The following MBNL2 variants were observed in gnomAD, a reference collection of about 807,000 sequenced individuals.
The protein encoded by MBNL2 is muscleblind-like protein 2.
MBNL2 carries 17 observed loss-of-function variants against 41.9 expected under a neutral mutation model. That is an observed-to-expected ratio of 0.41 (90% CI 0.28 to 0.61). MBNL2 has a LOEUF of 0.61. MBNL2 is among the 20% of genes least tolerant of loss of function. MBNL2 has a pLI of 0.35. For missense variants in MBNL2, 336 were observed against 505.6 expected, an observed-to-expected ratio of 0.66 and a Z score of 3.22; for synonymous variants, 195 against 182.9, an observed-to-expected ratio of 1.07 and a Z score of -0.53.
the MBNL2 span, among the ~76,000 whole-genome samples, chr13:97,155,224 CTCAT>C: frequency 6.6e-6 from 1 of 151,950 alleles, no homozygotes; most frequent in Non-Finnish European, 1.5e-5. Flanking sequence ...TTTCCATTCT[CTCAT>C]TCTAAGTTGT....
At chr13:97,251,874 C>T (rs9584535) in intron 1 of MBNL2, among the ~76,000 whole-genome samples, 4,556 of 112,884 alleles carry the variant, frequency 0.04, 110 homozygotes, top group Middle Eastern at 0.15. Context: ...GACGGAGTCT[C>T]GCTCCGTCGC....
At chr13:97,235,548 C>A (rs1423596576) in intron 1 of MBNL2, among the ~76,000 whole-genome samples, 1 of 152,206 alleles carries the variant, frequency 6.6e-6, no homozygotes, top group African/African-American at 2.4e-5. Flanking sequence ...CATGTTAGGT[C>A]TTGAGTTAAT....
chr13:97,236,477 G>A (rs73555749), intron 1 of MBNL2, among the ~76,000 whole-genome samples: 4,940 of 150,448 alleles, frequency 0.033, 126 homozygotes, highest in South Asian at 0.11. Flanking sequence ...TGTTCACTTT[G>A]TGAAAATCCA....
chr13:97,311,652 T>A (rs1217123018), intron 2 of MBNL2, among the ~76,000 whole-genome samples: 3 of 151,546 alleles, frequency 2.0e-5, no homozygotes, highest in African/African-American at 7.3e-5. Flanking sequence ...AGAGGGGATT[T>A]TTTTTCTTTT....
At chr13:97,389,177 C>G (rs980115926) in intron 8 of MBNL2, among the ~76,000 whole-genome samples, 2 of 152,190 alleles carry the variant, frequency 1.3e-5, no homozygotes, top group African/African-American at 4.8e-5. Context: ...GACTGATTTA[C>G]AGTCCAATTA....
chr13:97,352,283 C>T (rs1481994291), intron 5 of MBNL2, among the ~76,000 whole-genome samples: 4 of 152,158 alleles, frequency 2.6e-5, no homozygotes, highest in African/African-American at 9.7e-5. Context: ...TTTAGCCTAT[C>T]TTGGCTTTCG....
chr13:97,391,629 C>T lies in MBNL2; in HGVS notation c.*180C>T. The T allele has an allele frequency of 1.9e-6, 1 of 524,846 alleles. No homozygotes were observed. The highest frequency in any genetic ancestry group is 3.3e-6 in the Non-Finnish European group (1 of 301,880). The allele number at this position is 524,846 out of a possible 1,614,324, so 32.5% of individuals were successfully genotyped here. ...AGTTTACTTTTAAAGGGTTTCTAAA[C>T]ATAGTTTCTGTCCTAGGAATATTGT... On this transcript the variant is annotated 3_prime_UTR_variant, in exon 9 of 9. Coordinates refer to ENST00000679496, the MANE Select transcript of MBNL2 (RefSeq NM_001382683.1).
At chr13:97,260,446 T>C (rs1188921686) in intron 1 of MBNL2, among the ~76,000 whole-genome samples, 2 of 152,122 alleles carry the variant, frequency 1.3e-5, no homozygotes, top group South Asian at 4.2e-4. Flanking sequence ...GGATGATTTA[T>C]TGAGATGTGG....
Position 97,365,159 on chromosome 13 carries a change from G to A in MBNL2, c.1036G>A (p.Ala346Thr). The A allele has an allele frequency of 1.2e-6, 2 of 1,606,160 alleles. No individual in the cohort carries two copies. Among genetic ancestry groups the A allele is most frequent in the Middle Eastern group, 1.7e-4 (1 of 6,056 alleles). The change falls in exon 8 of 9, where the codon GCT becomes ACT. Residue 346 changes from alanine to threonine, a missense_variant. Physicochemically the swap from Ala to Thr is moderately conservative, Grantham distance 58. Coordinates refer to ENST00000679496, the MANE Select transcript of MBNL2 (RefSeq NM_001382683.1). ...PTGSVLCMTPATSIDNSEIIS... is the reference protein window; with the variant it reads ...PTGSVLCMTPTTSIDNSEIIS... ...AGGGTCAGTTTTGTGCATGACACCC[G>A]CTACCAGTATTGGTAGGTTTCAACC...
rs180791148 is a variant in MBNL2 at position 97,242,743 on chromosome 13, G to A, written c.-605+20212G>A. ...ACCTAAGAAACATTAAAAGAGCTTGGAATAAGCAGGACTTACTTGTTCCTT... is the reference window on the plus strand; with the variant it reads ...ACCTAAGAAACATTAAAAGAGCTTGAAATAAGCAGGACTTACTTGTTCCTT... On this transcript the variant is annotated intron_variant, in intron 1 of 8. Coordinates refer to ENST00000679496, the MANE Select transcript of MBNL2 (RefSeq NM_001382683.1). 3.3e-5 allele frequency among the ~76,000 whole-genome samples: 5 copies of A among 151,832 alleles called. No homozygotes were observed. The East Asian group carries it at 9.7e-4, about 29-fold the overall frequency.
chr13:97,308,431 CCATCTGGGTATTTACTTTT>C (rs2058311008), intron 2 of MBNL2, among the ~76,000 whole-genome samples: 2 of 152,138 alleles, frequency 1.3e-5, no homozygotes, highest in East Asian at 1.9e-4. Context: ...ATCCCTCTGG[CCATCTGGGTATTTACTTTT>C]CTTTAGAAAT....
chr13:97,148,697 C>T, the MBNL2 span, among the ~76,000 whole-genome samples: 2 of 152,098 alleles, frequency 1.3e-5, no homozygotes, highest in East Asian at 1.9e-4. Context: ...AGACAAATCA[C>T]CATTATTGTC....
At chr13:97,370,419 C>T (rs1180122928) in intron 8 of MBNL2, among the ~76,000 whole-genome samples, 1 of 152,100 alleles carries the variant, frequency 6.6e-6, no homozygotes, top group Non-Finnish European at 1.5e-5. Context: ...TCTGTAATCC[C>T]AGCACTTTGG....
rs531635848 is a variant in MBNL2, at chr13:97,351,238, C to A, written c.804+4171C>A. 5.9e-5 allele frequency among the ~76,000 whole-genome samples: 9 copies of A among 152,294 alleles called. No homozygotes were observed. In the South Asian group the frequency reaches 1.9e-3, roughly 32 times the overall value. ...CTGTGGGCTTAAAACATTCAGTAAA[C>A]CATGTTGTAAATACATATACTGTCA... On this transcript the variant is annotated intron_variant, in intron 5 of 8. Transcript: ENST00000679496.
intron 2 of MBNL2, among the ~76,000 whole-genome samples, chr13:97,312,077 G>T (rs1219450663): frequency 6.6e-6 from 1 of 152,110 alleles, no homozygotes; most frequent in East Asian, 1.9e-4. Context: ...AAATCCCCAT[G>T]GCATGTGAGA....
the MBNL2 span, among the ~76,000 whole-genome samples, chr13:97,181,324 G>T: frequency 1.3e-5 from 2 of 152,170 alleles, no homozygotes; most frequent in African/African-American, 4.8e-5. Flanking sequence ...ACATCTCTAG[G>T]GACCACTGTT....
chr13:97,365,857 A>C (rs745735930), intron 8 of MBNL2, among the ~76,000 whole-genome samples: 14 of 152,234 alleles, frequency 9.2e-5, no homozygotes, highest in Non-Finnish European at 1.9e-4. Flanking sequence ...TGGCTATTTC[A>C]GAGTAACTGT....
At chr13:97,372,453 A>G (rs986709431) in intron 8 of MBNL2, among the ~76,000 whole-genome samples, 4 of 152,226 alleles carry the variant, frequency 2.6e-5, no homozygotes, top group African/African-American at 9.7e-5. Flanking sequence ...GATTAAGTAC[A>G]TTAAACTTAA....
the MBNL2 span, among the ~76,000 whole-genome samples, chr13:97,203,615 A>G: frequency 6.6e-6 from 1 of 152,074 alleles, no homozygotes; most frequent in Non-Finnish European, 1.5e-5. Flanking sequence ...CCCTCTTGGC[A>G]TGGCCTCCCC....
Sources: allele counts gnomAD v4.1 joint callset (sites outside exome capture counted in the v4.1 genomes callset), GRCh38; gene constraint gnomAD v4.1.1; transcripts MANE v1.5; gene names NCBI Gene and HGNC (gene_info 2026-07-23, HGNC 2026-07-21).